Variants in ADGB observed in about 807,000 individuals in gnomAD.
The protein encoded by ADGB is calpain-7-like protein.
In ADGB, 172 loss-of-function variants were observed where a neutral mutation model predicts 210.5. The ratio of observed to expected loss-of-function variants is 0.82; its 90% CI spans 0.72 to 0.93. The LOEUF (loss-of-function observed/expected upper bound fraction) is 0.93, where lower values mean the gene tolerates loss of function less well. ADGB is among the 40% of genes least tolerant of loss of function. The pLI is 0.00. For missense variants in ADGB, 2,025 were observed against 1,964.8 expected, an observed-to-expected ratio of 1.03 and a Z score of -0.58; for synonymous variants, 658 against 662.7, an observed-to-expected ratio of 0.99 and a Z score of 0.11.
chr6:146,715,693 A>G (rs1776722379), intron 14 of ADGB, among the ~76,000 whole-genome samples: 1 of 152,176 alleles, frequency 6.6e-6, no homozygotes, highest in African/African-American at 2.4e-5. Context: ...AACCACTGCA[A>G]ATTCCTTAGT....
At chr6:146,623,411 G>A (rs1029636206) in intron 1 of ADGB, among the ~76,000 whole-genome samples, 10 of 151,728 alleles carry the variant, frequency 6.6e-5, no homozygotes, top group Non-Finnish European at 1.5e-4. Flanking sequence ...TACTGGTCTT[G>A]AGCAACAAAT....
chr6:146,800,188 A>T (rs1778107527), intron 33 of ADGB, among the ~76,000 whole-genome samples: 3 of 152,166 alleles, frequency 2.0e-5, no homozygotes, highest in African/African-American at 7.2e-5. Flanking sequence ...GTAATTTCAA[A>T]ATTGGTCATA....
chr6:146,601,504 G>T (rs985104077), intron 1 of ADGB, among the ~76,000 whole-genome samples: 1 of 152,176 alleles, frequency 6.6e-6, no homozygotes, highest in Non-Finnish European at 1.5e-5. Flanking sequence ...ACCCATAGAT[G>T]TAGGACAAAG....
At chr6:146,645,020 T>C (rs9390408) in intron 3 of ADGB, among the ~76,000 whole-genome samples, 155 bp downstream of exon 3, 47,148 of 151,836 alleles carry the variant, frequency 0.31, 8,145 homozygotes, top group Middle Eastern at 0.41. Context: ...CAAAACTAAA[T>C]GTTTATTAAT....
Position 146,815,295 on chromosome 6 carries a change from G to T in ADGB, c.*78G>T. The T allele has an allele frequency of 1.8e-6, 2 of 1,091,138 alleles. No individual in the cohort carries two copies. Among genetic ancestry groups the T allele is most frequent in the Non-Finnish European group, 2.5e-6 (2 of 813,846 alleles). The allele number at this position is 1,091,138 out of a possible 1,614,324, so 67.6% of individuals were successfully genotyped here. On this transcript the variant is annotated 3_prime_UTR_variant, in exon 36 of 36. Transcript: ENST00000397944. ...ATGATCTTTAACTGCCTGCTGTTAAGATATTAGGCCAAATGAAAATAGAAA... is the reference window on the plus strand; with the variant it reads ...ATGATCTTTAACTGCCTGCTGTTAATATATTAGGCCAAATGAAAATAGAAA...
chr6:146,784,635 T>C lies in ADGB; in HGVS notation c.4053T>C (p.Pro1351=). ...RFEPQISTVH[P]QQEDPNKPYW... is the part of the protein sequence containing the mutation. Reference sequence around the variant, plus strand: ...TTTATCAGATATCCACTGTTCACCCTCAACAAGAAGACCCAAATAAACCCT... The same window carrying C: ...TTTATCAGATATCCACTGTTCACCCCCAACAAGAAGACCCAAATAAACCCT... The change falls in exon 31 of 36, where the codon CCT becomes CCC. Residue 1351 remains proline, a synonymous_variant. Coordinates refer to ENST00000397944, the MANE Select transcript of ADGB (RefSeq NM_024694.4). The C allele has an allele frequency of 6.5e-7, 1 of 1,548,424 alleles. No homozygotes were observed. Among genetic ancestry groups the C allele is most frequent in the Non-Finnish European group, 8.7e-7 (1 of 1,145,738 alleles).
intron 1 of ADGB, among the ~76,000 whole-genome samples, chr6:146,621,999 C>T (rs1039363019): frequency 1.3e-5 from 2 of 152,072 alleles, no homozygotes; most frequent in African/African-American, 4.8e-5. Flanking sequence ...TTTACATGGC[C>T]ACCAGCACTA....
intron 7 of ADGB, among the ~76,000 whole-genome samples, chr6:146,670,427 A>G (rs1219567865): frequency 6.6e-6 from 1 of 151,992 alleles, no homozygotes; most frequent in African/African-American, 2.4e-5. Context: ...AACTCACTCT[A>G]CCTTACGGTC....
intron 33 of ADGB, among the ~76,000 whole-genome samples, chr6:146,791,130 C>G (rs1777948664): frequency 6.6e-6 from 1 of 152,108 alleles, no homozygotes; most frequent in Non-Finnish European, 1.5e-5. Context: ...TATTTTATCT[C>G]AACCCATGGT....
chr6:146,808,534 G>A (rs1778247822), intron 35 of ADGB, among the ~76,000 whole-genome samples: 1 of 152,108 alleles, frequency 6.6e-6, no homozygotes, highest in African/African-American at 2.4e-5. Flanking sequence ...TGCAATGAGT[G>A]GATTTAACTG....
chr6:146,726,255 A>C (rs1368476800), intron 19 of ADGB, 58 bp downstream of exon 19: 1 of 1,254,926 alleles, frequency 8.0e-7, no homozygotes, highest in Non-Finnish European at 1.1e-6. Flanking sequence ...GGAGTCTCGC[A>C]CTGTTGCCAG....
intron 10 of ADGB, among the ~76,000 whole-genome samples, chr6:146,688,297 A>C (rs892279194): frequency 2.0e-5 from 3 of 152,138 alleles, no homozygotes; most frequent in African/African-American, 7.2e-5. Flanking sequence ...ATGAAAAAAA[A>C]AATGAATGAA....
At chr6:146,738,000 A>G (rs1316779005) in intron 23 of ADGB, among the ~76,000 whole-genome samples, 1 of 152,254 alleles carries the variant, frequency 6.6e-6, no homozygotes, top group Non-Finnish European at 1.5e-5. Context: ...AGTGGCATCC[A>G]AAGCTACCTT....
intron 8 of ADGB, among the ~76,000 whole-genome samples, chr6:146,673,982 G>T (rs1383210563): frequency 6.6e-6 from 1 of 152,192 alleles, no homozygotes; most frequent in African/African-American, 2.4e-5. Flanking sequence ...AAAATGACGA[G>T]CTGCTGAATG....
chr6:146,768,904 T>C, intron 28 of ADGB, 116 bp from the exon 29 acceptor site: 1 of 507,900 alleles, frequency 2.0e-6, no homozygotes, highest in East Asian at 3.0e-5. Flanking sequence ...TTAACTAAAT[T>C]ATGACTGTCT....
intron 28 of ADGB, among the ~76,000 whole-genome samples, chr6:146,765,816 A>C (rs935761997): frequency 2.0e-5 from 3 of 151,816 alleles, no homozygotes; most frequent in Non-Finnish European, 4.4e-5. Context: ...AAGCTATTGA[A>C]ATAAAAATTC....
Position 146,741,211 on chromosome 6 carries a change from A to G in ADGB, c.3117A>G (p.Thr1039=), listed in dbSNP as rs1297502796. Residue 1039 remains threonine (T), a synonymous_variant, in exon 25 of 36, where the codon ACA becomes ACG. Coordinates refer to ENST00000397944, the MANE Select transcript of ADGB (RefSeq NM_024694.4). ...TCCTACACATTGTTAATAATGACAC[A>G]ATGGAGCAAGTGCCAAAGGTGTTCC... The part of the protein sequence containing the change: ...ICILHIVNND[T]MEQVPKVFQK... The G allele has an allele frequency of 6.4e-7, 1 of 1,551,156 alleles. No individual in the cohort carries two copies. The highest frequency in any genetic ancestry group is 8.7e-7 in the Non-Finnish European group (1 of 1,146,632).
chr6:146,803,645 A>G, intron 35 of ADGB: 1 of 1,319,900 alleles, frequency 7.6e-7, no homozygotes. Context: ...AGGAAGATCA[A>G]TGAAATGATC....
intron 19 of ADGB, among the ~76,000 whole-genome samples, chr6:146,726,910 A>T (rs944040632): frequency 6.6e-6 from 1 of 151,970 alleles, no homozygotes; most frequent in Non-Finnish European, 1.5e-5. Flanking sequence ...TGTGCCTGGG[A>T]TTTAGCAGGG....
Sources: gnomAD v4.1 joint callset for allele counts (sites outside exome capture counted in the v4.1 genomes callset) on GRCh38, gnomAD v4.1.1 for gene constraint, MANE v1.5 for transcripts, NCBI Gene and HGNC (gene_info 2026-07-23, HGNC 2026-07-21) for gene names.